The following DNAH9 variants were observed in gnomAD, a reference collection of about 807,000 sequenced individuals.
The protein encoded by DNAH9 is DNAH9 variant protein.
In DNAH9, 345 loss-of-function variants were observed where a neutral mutation model predicts 471.6. The observed-to-expected ratio is 0.73, with a 90% CI of 0.67 to 0.80. DNAH9 has a LOEUF of 0.80. DNAH9 is among the 30% of genes least tolerant of loss of function. DNAH9 has a pLI of 0.00. For missense variants in DNAH9, 5,407 were observed against 5,609.2 expected, an observed-to-expected ratio of 0.96 and a Z score of 1.15; for synonymous variants, 2,093 against 2,123.6, an observed-to-expected ratio of 0.99 and a Z score of 0.40.
intron 63 of DNAH9, among the ~76,000 whole-genome samples, chr17:11,930,895 A>G (rs1489991790): frequency 6.6e-6 from 1 of 152,206 alleles, no homozygotes; most frequent in Non-Finnish European, 1.5e-5. Context: ...ACTGTGCTCC[A>G]GAGAGACTCA....
intron 19 of DNAH9, among the ~76,000 whole-genome samples, chr17:11,687,305 C>T (rs576022789): frequency 3.5e-4 from 53 of 152,292 alleles, no homozygotes; most frequent in South Asian, 8.3e-4. Context: ...TCAAACATAA[C>T]GAGCGTCGAA....
chr17:11,632,278 G>C (rs1298609643), intron 7 of DNAH9, among the ~76,000 whole-genome samples: 15 of 152,134 alleles, frequency 9.9e-5, no homozygotes. Context: ...AGGGTTATGT[G>C]AGCTGGTGTT....
intron 32 of DNAH9, among the ~76,000 whole-genome samples, chr17:11,748,393 C>T (rs1203058236): frequency 2.0e-5 from 3 of 151,998 alleles, no homozygotes; most frequent in African/African-American, 7.2e-5. Flanking sequence ...GAGTATGAGC[C>T]GTGGTGTAGA....
intron 61 of DNAH9, among the ~76,000 whole-genome samples, chr17:11,919,515 A>AG (rs1348475469): frequency 2.6e-5 from 4 of 151,732 alleles, no homozygotes; most frequent in Admixed American, 1.3e-4. Flanking sequence ...GAAAAAAAAA[A>AG]AAAAAAGAGG....
intron 49 of DNAH9, among the ~76,000 whole-genome samples, chr17:11,843,565 T>A (rs1375318090): frequency 6.6e-6 from 1 of 151,782 alleles, no homozygotes; most frequent in African/African-American, 2.4e-5. Flanking sequence ...TGAACTCCAA[T>A]TTGATTTTTG....
Position 11,719,430 on chromosome 17 carries a change from G to C in DNAH9, c.5649G>C (p.Leu1883=). Residue 1883 remains leucine (L), a synonymous_variant, in exon 27 of 69, where the codon CTG becomes CTC. Transcript: ENST00000262442. ...GTGKTETTKD[L]GRALGILVYV... ...GCAAGACCGAGACCACCAAGGACCT[G>C]GGCCGCGCACTGGGCATCCTGGTCT... 6.2e-7 allele frequency: 1 copy of C among 1,613,970 alleles called. No homozygotes were observed. Among genetic ancestry groups the C allele is most frequent in the Non-Finnish European group, 8.5e-7 (1 of 1,179,978 alleles).
chr17:11,757,624 A>C lies in DNAH9; in HGVS notation c.6927A>C (p.Thr2309=). ...GGATTGAGAAGAGGGAAATCCAGAC[A>C]GAGAGAGCCAACTTAACCATTTTGT... is the stretch of plus-strand genomic sequence containing the variant. The part of the protein sequence containing the change: ...SSWIEKREIQ[T]ERANLTILFD... Residue 2309 remains threonine (T), a synonymous_variant, in exon 35 of 69, where the codon ACA becomes ACC. Transcript: ENST00000262442. 6.2e-7 allele frequency: 1 copy of C among 1,614,172 alleles called. No individual in the cohort carries two copies.
rs749064885 is a variant in DNAH9, at chr17:11,611,630, C to A, written c.774-20C>A. The A allele has an allele frequency of 6.2e-6, 10 of 1,611,692 alleles. No individual in the cohort carries two copies. In the East Asian group the frequency reaches 2.2e-4, roughly 36 times the overall value. ...TTTCCTGATGCTTCCCTGGATTCACCCTTCTTCATGATATTGCAGGTATGA... is the reference window on the plus strand; with the variant it reads ...TTTCCTGATGCTTCCCTGGATTCACACTTCTTCATGATATTGCAGGTATGA... On this transcript the variant is annotated intron_variant, in intron 3 of 68. Transcript: ENST00000262442.
chr17:11,917,279 C>T (rs1973988791), intron 61 of DNAH9, among the ~76,000 whole-genome samples: 1 of 152,160 alleles, frequency 6.6e-6, no homozygotes, highest in African/African-American at 2.4e-5. Context: ...GCCTCAGCCT[C>T]CCGAGTAGCT....
intron 41 of DNAH9, among the ~76,000 whole-genome samples, chr17:11,786,313 G>T (rs1968866405): frequency 6.6e-6 from 1 of 152,010 alleles, no homozygotes; most frequent in African/African-American, 2.4e-5. Flanking sequence ...GAAGTTACTA[G>T]CTAGTCAATG....
intron 2 of DNAH9, 99 bp downstream of exon 2, chr17:11,608,424 A>T: frequency 1.1e-6 from 1 of 930,964 alleles, no homozygotes; most frequent in Non-Finnish European, 1.6e-6. Context: ...GACTCTGCAC[A>T]TCTCCTCGTT....
Position 11,903,017 on chromosome 17 carries a change from GTTTC to G in DNAH9, c.11600+106_11600+109del, listed in dbSNP as rs1973465500. 3.2e-6 allele frequency: 4 copies of G among 1,260,136 alleles called. No individual in the cohort carries two copies. In the East Asian group the frequency reaches 9.4e-5, roughly 29 times the overall value. 78.1% of individuals were successfully genotyped at this position (1,260,136 alleles called of 1,614,324 possible). A position where few individuals can be genotyped will look rare whatever the true frequency, so the allele number is the denominator to read the frequency against. ...GCTCCAAAGCCATGTGTATATAGTA[GTTTC>G]CTGGAGCTAGAGGGTGGGAATAGAA... On this transcript the variant is annotated intron_variant, in intron 60 of 68. Transcript: ENST00000262442.
intron 33 of DNAH9, 38 bp downstream of exon 33, chr17:11,752,998 C>T (rs769740177): frequency 1.3e-6 from 2 of 1,501,680 alleles, no homozygotes. Context: ...CATTTCTAAT[C>T]ACCTGTGAAA....
At chr17:11,938,462 AAAAAAAAC>A (rs1008221197) in intron 66 of DNAH9, among the ~76,000 whole-genome samples, 4 of 150,950 alleles carry the variant, frequency 2.6e-5, no homozygotes, top group African/African-American at 9.7e-5. Context: ...TCTCCAAAAA[AAAAAAAAC>A]AAAAAAAGAA....
intron 20 of DNAH9, 40 bp downstream of exon 20, chr17:11,690,476 T>G (rs758475680): frequency 4.4e-6 from 7 of 1,580,502 alleles, no homozygotes; most frequent in Non-Finnish European, 6.0e-6. Context: ...TATTCTCTGA[T>G]CCAGGGTGAA....
At chr17:11,843,283 T>C (rs990506404) in intron 49 of DNAH9, among the ~76,000 whole-genome samples, 5 of 152,178 alleles carry the variant, frequency 3.3e-5, no homozygotes, top group African/African-American at 1.2e-4. Flanking sequence ...AAGGGAAAGT[T>C]AAGGACTCAT....
At chr17:11,698,159 T>C (rs1241597002) in intron 22 of DNAH9, among the ~76,000 whole-genome samples, 1 of 95,834 alleles carries the variant, frequency 1.0e-5, no homozygotes, top group Non-Finnish European at 1.8e-5. Context: ...ATATTATTAA[T>C]ATATTATTAT....
At chr17:11,681,753 A>G (rs2074137386) in intron 19 of DNAH9, among the ~76,000 whole-genome samples, 1 of 152,204 alleles carries the variant, frequency 6.6e-6, no homozygotes, top group Admixed American at 6.5e-5. Context: ...TTATTTGCCC[A>G]CAGAAATATT....
chr17:11,930,385 G>A lies in DNAH9; in HGVS notation c.12105+292G>A, dbSNP rs1264242262. Among the ~76,000 whole-genome samples, 3 of 152,238 alleles carry A rather than the reference G, an allele frequency of 2.0e-5. No homozygotes were observed. In the East Asian group the frequency reaches 5.8e-4, roughly 29 times the overall value. On this transcript the variant is annotated intron_variant, in intron 63 of 68. Coordinates refer to ENST00000262442, the MANE Select transcript of DNAH9 (RefSeq NM_001372.4). ...ATTCCAAGATGAAGAAGGGCACGTT[G>A]TTATACATCTCATTGATAAGATACA... is the stretch of plus-strand genomic sequence containing the variant.
Sources: gnomAD v4.1 joint callset for allele counts (sites outside exome capture counted in the v4.1 genomes callset) on GRCh38, gnomAD v4.1.1 for gene constraint, MANE v1.5 for transcripts, NCBI Gene and HGNC (gene_info 2026-07-23, HGNC 2026-07-21) for gene names.